The following CACNA1D variants were observed in gnomAD, a reference collection of about 807,000 sequenced individuals.
CACNA1D encodes calcium voltage-gated channel subunit alpha1 D.
In CACNA1D, 55 loss-of-function variants were observed where a neutral mutation model predicts 257.1. The ratio of observed to expected loss-of-function variants is 0.21; its 90% CI spans 0.17 to 0.27. CACNA1D has a LOEUF of 0.27. Among genes scored for constraint, CACNA1D ranks in the 10% least tolerant of loss-of-function variants. CACNA1D has a pLI of 1.00. For synonymous variants in CACNA1D, 980 were observed against 1,014.9 expected, an observed-to-expected ratio of 0.97 and a Z score of 0.65; for missense variants, 1,876 against 2,784.0, an observed-to-expected ratio of 0.67 and a Z score of 7.34.
Position 53,745,863 on chromosome 3 carries a change from C to G in CACNA1D, c.3155C>G (p.Pro1052Arg). The G allele has an allele frequency of 6.2e-7, 1 of 1,613,510 alleles. No homozygotes were observed. The highest frequency in any genetic ancestry group is 8.5e-7 in the Non-Finnish European group (1 of 1,179,434). Residue 1052 changes from proline to arginine, a missense_variant, in exon 25 of 48, where the codon CCT (proline) becomes CGT (arginine). Around this residue, in one of 10 missense-constraint regions of CACNA1D, gnomAD observed 271 missense variants for 425.5 expected, o/e 0.64. Transcript: ENST00000350061. ...TGTACGGATGAAGCCAAAAGTAACC[C>G]TGAAGAATGCAGGTGAGCGTCCTGA... ...YRCTDEAKSNPEECRGLFILY... is the reference protein window; with the variant it reads ...YRCTDEAKSNREECRGLFILY...
At chr3:53,698,028 C>T (rs1382107768) in intron 8 of CACNA1D, among the ~76,000 whole-genome samples, 1 of 152,182 alleles carries the variant, frequency 6.6e-6, no homozygotes, top group Non-Finnish European at 1.5e-5. Flanking sequence ...GCTTCTAAGT[C>T]CTTTCAACAG....
chr3:53,770,657 T>G, intron 32 of CACNA1D, 105 bp downstream of exon 32: 1 of 1,024,762 alleles, frequency 9.8e-7, no homozygotes, highest in Non-Finnish European at 1.5e-6. Context: ...GTGGCCACTC[T>G]GTGGACCTAA....
intron 31 of CACNA1D, 90 bp from the exon 32 acceptor site, chr3:53,770,332 CCT>C (rs2095359582): frequency 1.6e-6 from 2 of 1,216,046 alleles, no homozygotes; most frequent in Non-Finnish European, 2.4e-6. Context: ...TCAGTTCTTA[CCT>C]CTGTCACCTT....
intron 8 of CACNA1D, among the ~76,000 whole-genome samples, chr3:53,698,913 T>C (rs1233264662): frequency 2.0e-5 from 3 of 152,154 alleles, no homozygotes; most frequent in East Asian, 1.9e-4. Flanking sequence ...ATAACAGTTG[T>C]TGGATTTTTA....
rs2095385962 is a variant in CACNA1D, at chr3:53,774,556, TTC to T, written c.4111-27_4111-26del. 7.6e-7 allele frequency: 1 copy of T among 1,316,580 alleles called. No individual in the cohort carries two copies. The highest frequency in any genetic ancestry group is 1.1e-6 in the Non-Finnish European group (1 of 908,146). 81.6% of individuals were successfully genotyped at this position (1,316,580 alleles called of 1,614,324 possible). A position where few individuals can be genotyped will look rare whatever the true frequency, so the allele number is the denominator to read the frequency against. ...GATTTTTTTTGCATGACGAAATCTATTCTCTTTTTCCTGACAACTTCTCCACC... is the reference window on the plus strand; with the variant it reads ...GATTTTTTTTGCATGACGAAATCTATTCTTTTTCCTGACAACTTCTCCACC... On this transcript the variant is annotated intron_variant, in intron 33 of 47. Coordinates refer to ENST00000350061, the MANE Select transcript of CACNA1D (RefSeq NM_001128840.3). This position sits in a 1 kb window ranked among gnomAD's most constrained non-coding sequence, Gnocchi z 4.3.
chr3:53,721,478 A>G (rs946222203), intron 11 of CACNA1D, among the ~76,000 whole-genome samples: 8 of 152,194 alleles, frequency 5.3e-5, no homozygotes, highest in African/African-American at 9.7e-5. Flanking sequence ...GCTGCAGCTC[A>G]TGGCACACTT....
At chr3:53,653,280 G>C (rs972755633) in intron 4 of CACNA1D, among the ~76,000 whole-genome samples, 4 of 152,046 alleles carry the variant, frequency 2.6e-5, no homozygotes, top group Non-Finnish European at 5.9e-5. Context: ...TATGCTAACT[G>C]AACTGCCTGC....
intron 3 of CACNA1D, among the ~76,000 whole-genome samples, chr3:53,568,217 A>G (rs1410344625): frequency 6.6e-6 from 1 of 152,186 alleles, no homozygotes; most frequent in African/African-American, 2.4e-5. Flanking sequence ...CCTGCAGCTG[A>G]GCAGCTAAGC....
At chr3:53,754,857 C>G in intron 29 of CACNA1D, among the ~76,000 whole-genome samples, 1 of 152,248 alleles carries the variant, frequency 6.6e-6, no homozygotes, top group East Asian at 1.9e-4. Flanking sequence ...ACATGAAATT[C>G]TAATTCCAAA....
intron 3 of CACNA1D, among the ~76,000 whole-genome samples, chr3:53,591,604 C>T (rs554466272): frequency 5.8e-4 from 88 of 152,270 alleles, no homozygotes; most frequent in Non-Finnish European, 7.8e-4. Context: ...GATATGTCTC[C>T]GGACTCTGAG....
chr3:53,582,549 G>T (rs80229267), intron 3 of CACNA1D, among the ~76,000 whole-genome samples: 2,577 of 152,168 alleles, frequency 0.017, 56 homozygotes, highest in African/African-American at 0.058. Context: ...TTTGGAGATT[G>T]CAGGAGAAAG....
chr3:53,691,552 C>A (rs1003962136), intron 8 of CACNA1D, among the ~76,000 whole-genome samples: 1 of 149,916 alleles, frequency 6.7e-6, no homozygotes, highest in African/African-American at 2.5e-5. Flanking sequence ...GGAAACTAAC[C>A]CTTCAAAGAG....
chr3:53,734,397 CTTTACAA>C, intron 19 of CACNA1D, among the ~76,000 whole-genome samples: 1 of 151,724 alleles, frequency 6.6e-6, no homozygotes, highest in Middle Eastern at 3.4e-3. Context: ...CACACATATA[CTTTACAA>C]TTTAAATATA....
chr3:53,804,723 C>G (rs140939828), intron 44 of CACNA1D, among the ~76,000 whole-genome samples: 18 of 152,302 alleles, frequency 1.2e-4, no homozygotes, highest in Non-Finnish European at 2.1e-4. Flanking sequence ...GCCTGGCTCA[C>G]AGGACATCTG....
chr3:53,605,288 G>A (rs757001569), intron 3 of CACNA1D, among the ~76,000 whole-genome samples: 9 of 152,122 alleles, frequency 5.9e-5, no homozygotes, highest in Non-Finnish European at 8.8e-5. Flanking sequence ...AAGTTCTTAG[G>A]GGGACAAATG....
intron 3 of CACNA1D, among the ~76,000 whole-genome samples, chr3:53,563,154 A>G (rs1170917194): frequency 6.6e-6 from 1 of 152,168 alleles, no homozygotes. Flanking sequence ...TCTATAACTC[A>G]CCACACCTTT....
intron 8 of CACNA1D, among the ~76,000 whole-genome samples, chr3:53,684,013 G>A (rs2094453908): frequency 6.6e-6 from 1 of 152,170 alleles, no homozygotes; most frequent in Admixed American, 6.5e-5. Context: ...AAAAGATCCA[G>A]AGAATTTTAA....
chr3:53,791,296 T>A lies in CACNA1D; in HGVS notation c.4923+4344T>A, dbSNP rs186326088. 1.0e-3 allele frequency: 378 copies of A among 376,368 alleles called. 1 individual carries two copies. Among genetic ancestry groups the A allele is most frequent in the African/African-American group, 7.0e-3 (338 of 48,370 alleles). 23.3% of individuals were successfully genotyped at this position (376,368 alleles called of 1,614,324 possible). A position where few individuals can be genotyped will look rare whatever the true frequency, so the allele number is the denominator to read the frequency against. On this transcript the variant is annotated intron_variant, in intron 40 of 47. Coordinates refer to ENST00000350061, the MANE Select transcript of CACNA1D (RefSeq NM_001128840.3). ...CGTACAAAGCTTAACAGTTTTCCCTTCCAAGCAGAGACTCAGAGAAAGGGA... is the reference window on the plus strand; with the variant it reads ...CGTACAAAGCTTAACAGTTTTCCCTACCAAGCAGAGACTCAGAGAAAGGGA...
At chr3:53,799,658 G>A (rs754247929) in intron 40 of CACNA1D, among the ~76,000 whole-genome samples, 49 of 152,344 alleles carry the variant, frequency 3.2e-4, no homozygotes, top group African/African-American at 1.0e-3. Flanking sequence ...GTCGGTGTGC[G>A]TGTCAGTCTG....
Sources: gnomAD v4.1 joint callset for allele counts (sites outside exome capture counted in the v4.1 genomes callset) on GRCh38, gnomAD v4.1.1 for gene constraint, gnomAD v4.1.1 regional missense constraint, Gnocchi (gnomAD v3.1) non-coding constraint, MANE v1.5 for transcripts, NCBI Gene and HGNC (gene_info 2026-07-23, HGNC 2026-07-21) for gene names.